EPB41L4A: variants seen among roughly 807,000 people sequenced by gnomAD.
EPB41L4A encodes the protein band 4.1-like protein 4A.
In EPB41L4A, 100 loss-of-function variants were observed where a neutral mutation model predicts 108.6. The ratio of observed to expected loss-of-function variants is 0.92; its 90% confidence interval spans 0.78 to 1.09. The LOEUF (loss-of-function observed/expected upper bound fraction) is 1.09. Ranked by LOEUF, EPB41L4A falls within the 50% of genes least tolerant of loss-of-function variation. The probability of loss-of-function intolerance (pLI) is 0.00; values close to 1 mark genes in which losing one functional copy is unlikely to be tolerated. For missense variants in EPB41L4A, 1,030 were observed against 842.7 expected (o/e 1.22, Z -2.75); for synonymous variants, 319 against 289.0 (o/e 1.10, Z -1.05).
At chr5:112,418,840 G>A in intron 1 of EPB41L4A, 101 bp downstream of exon 1, 2 of 848,874 alleles carry the variant, frequency 2.4e-6, no homozygotes, top group Non-Finnish European at 3.8e-6. Flanking sequence ...GCGCAGAGTC[G>A]CGGCCGCCGC....
At chr5:112,377,613 T>C (rs1580788945) in intron 1 of EPB41L4A, among the ~76,000 whole-genome samples, 1 of 152,308 alleles carries the variant, frequency 6.6e-6, no homozygotes. Context: ...GGGCATCCTG[T>C]AGTTTTGCCA....
At chr5:112,393,632 C>T (rs758970167) in intron 1 of EPB41L4A, among the ~76,000 whole-genome samples, 4 of 152,100 alleles carry the variant, frequency 2.6e-5, no homozygotes, top group African/African-American at 7.2e-5. Context: ...CAGAACCAAA[C>T]GGATTCACAG....
intron 1 of EPB41L4A, among the ~76,000 whole-genome samples, chr5:112,308,098 C>T (rs1461774451): frequency 6.6e-6 from 1 of 152,126 alleles, no homozygotes; most frequent in Non-Finnish European, 1.5e-5. Context: ...CTGATAACTA[C>T]CTAAAAAGCT....
intron 1 of EPB41L4A, among the ~76,000 whole-genome samples, chr5:112,379,968 C>T (rs1246714435): frequency 1.3e-5 from 2 of 152,222 alleles, no homozygotes; most frequent in East Asian, 3.8e-4. Context: ...AAAAGCCATA[C>T]AATTTCTCTA....
intron 2 of EPB41L4A, among the ~76,000 whole-genome samples, chr5:112,300,625 T>G (rs1754290677): frequency 2.6e-5 from 4 of 152,190 alleles, no homozygotes; most frequent in Admixed American, 2.6e-4. Flanking sequence ...ACAATGTGCC[T>G]AGGTAATGAT....
chr5:112,340,640 T>C (rs1757253479), intron 1 of EPB41L4A, among the ~76,000 whole-genome samples: 1 of 152,244 alleles, frequency 6.6e-6, no homozygotes, highest in Non-Finnish European at 1.5e-5. Flanking sequence ...AATGGATGTA[T>C]AATAGCATAT....
chr5:112,382,269 G>C (rs1197029897), intron 1 of EPB41L4A, among the ~76,000 whole-genome samples: 5 of 151,928 alleles, frequency 3.3e-5, no homozygotes, highest in African/African-American at 9.7e-5. Context: ...TCATTCGAAA[G>C]TTCTAACCTA....
At chr5:112,301,990 GT>G (rs996068313) in intron 2 of EPB41L4A, among the ~76,000 whole-genome samples, 6 of 151,892 alleles carry the variant, frequency 4.0e-5, no homozygotes, top group African/African-American at 1.5e-4. Context: ...ATAAATAAAT[GT>G]TTCTGATTTT....
chr5:112,360,872 TCTGCCCTGCCTCGACCCA>T, intron 1 of EPB41L4A, among the ~76,000 whole-genome samples: 1 of 151,754 alleles, frequency 6.6e-6, no homozygotes, highest in Non-Finnish European at 1.5e-5. Flanking sequence ...GAGGAGCGCC[TCTGCCCTGCCTCGACCCA>T]GTCTGGGAAA....
At chr5:112,261,435 C>T (rs1751475005) in intron 7 of EPB41L4A, among the ~76,000 whole-genome samples, 1 of 152,188 alleles carries the variant, frequency 6.6e-6, no homozygotes, top group Non-Finnish European at 1.5e-5. Context: ...TACTCTCCAG[C>T]AATTCATTTC....
At chr5:112,250,902 C>T (rs1282957041) in intron 9 of EPB41L4A, 2 of 152,140 alleles carry the variant, frequency 1.3e-5, no homozygotes, top group African/African-American at 2.4e-5. Flanking sequence ...GTGCTTGTAA[C>T]CTCACAGCAG....
chr5:112,226,799 G>A (rs1017636093), intron 12 of EPB41L4A, among the ~76,000 whole-genome samples: 10 of 151,758 alleles, frequency 6.6e-5, no homozygotes, highest in Non-Finnish European at 1.0e-4. Flanking sequence ...GTAGAAAGAC[G>A]ATCACCAAGA....
At chr5:112,269,775 A>G (rs1377953607) in intron 4 of EPB41L4A, among the ~76,000 whole-genome samples, 1 of 152,210 alleles carries the variant, frequency 6.6e-6, no homozygotes, top group Non-Finnish European at 1.5e-5. Context: ...CTACTTAACA[A>G]GGAAGTTTCC....
Position 112,259,245 on chromosome 5 carries a change from C to G in EPB41L4A, c.779G>C (p.Arg260Thr), listed in dbSNP as rs760834375. 2 of 1,613,862 alleles carry G rather than the reference C, an allele frequency of 1.2e-6. No individual in the cohort carries two copies. Residue 260 changes from arginine (R) to threonine (T), a missense_variant, in exon 9 of 23, where the codon AGA becomes ACA. Arg to Thr is a moderately conservative substitution (Grantham distance 71). Transcript: ENST00000261486. Reference protein sequence around the residue: ...VHFKETQFELRVLGKDCNETS... With the variant: ...VHFKETQFELTVLGKDCNETS... ...GAAACTTACATCTTTTCCCAGTACT[C>G]TGAGTTCAAATTGAGTCTCCTTGAA...
intron 1 of EPB41L4A, among the ~76,000 whole-genome samples, chr5:112,406,732 C>CA (rs1243500907): frequency 2.0e-5 from 3 of 151,998 alleles, no homozygotes; most frequent in South Asian, 2.1e-4. Flanking sequence ...TCTGCCTCTA[C>CA]AACCAGTTCT....
At position 112,150,542 on chromosome 5, in the gene EPB41L4A, A is replaced by G. The variant is rs145843477; in HGVS notation, n.995-4544T>C. Among the ~76,000 whole-genome samples, 287 of 152,338 alleles carry G rather than the reference A, an allele frequency of 1.9e-3. 1 individual carries two copies. The highest frequency in any genetic ancestry group is 6.4e-3 in the African/African-American group (264 of 41,574). ...TTAACAGCTGAAAAGAGAATTAGTGAGTTGGAAGATAAAGCTGAAGAAGAC... is the reference window on the plus strand; with the variant it reads ...TTAACAGCTGAAAAGAGAATTAGTGGGTTGGAAGATAAAGCTGAAGAAGAC... On this transcript the variant is annotated intron_variant and non_coding_transcript_variant, in intron 12 of 13. Coordinates refer to the EPB41L4A transcript ENST00000507810.
chr5:112,181,934 G>A (rs559601001), intron 18 of EPB41L4A, among the ~76,000 whole-genome samples: 67 of 152,124 alleles, frequency 4.4e-4, no homozygotes, highest in African/African-American at 1.6e-3. Context: ...TTAGTTGGGT[G>A]TTATGGCAGG....
rs1360824170 is a variant in EPB41L4A, at chr5:112,251,557, GGAAA to G, written c.795+7668_795+7671del. On this transcript the variant is annotated intron_variant, in intron 9 of 22. Transcript: ENST00000261486. The stretch of plus-strand genomic sequence containing the variant: ...AAACCCATACAGTATGCTACTTTTA[GGAAA>G]GAAAGAATGAAGAAAAAAATGCTTA... 2.6e-5 allele frequency among the ~76,000 whole-genome samples: 4 copies of G among 152,046 alleles called. No individual in the cohort carries two copies. In the South Asian group the frequency reaches 6.2e-4, roughly 24 times the overall value.
intron 1 of EPB41L4A, among the ~76,000 whole-genome samples, chr5:112,346,113 G>A (rs1013041601): frequency 4.0e-5 from 6 of 148,920 alleles, no homozygotes; most frequent in African/African-American, 1.2e-4. Context: ...GACTGCCATC[G>A]TTTTGGGATG....
Sources: allele counts gnomAD v4.1 joint callset (sites outside exome capture counted in the v4.1 genomes callset), GRCh38; gene constraint gnomAD v4.1.1; transcripts MANE v1.5; gene names NCBI Gene and HGNC (gene_info 2026-07-23, HGNC 2026-07-21).